Variants in ZMAT5 observed in about 807,000 individuals in gnomAD.
ZMAT5 encodes zinc finger matrin-type 5.
A neutral mutation model predicts 28.0 loss-of-function variants in ZMAT5; 23 were observed. The observed-to-expected ratio is 0.82, with a 90% CI of 0.59 to 1.16. The LOEUF is 1.16. Among genes scored for constraint, ZMAT5 ranks in the 50% most tolerant of loss-of-function variants. The pLI, the probability that ZMAT5 is intolerant of heterozygous loss-of-function variation, is 0.00. For synonymous variants in ZMAT5, 76 were observed against 84.1 expected (o/e 0.90, Z 0.52); for missense variants, 173 against 212.7 (o/e 0.81, Z 1.16).
chr22:29,734,759 G>C lies in ZMAT5; in HGVS notation c.384-3405C>G, dbSNP rs187536178. Among the ~76,000 whole-genome samples, 13 of 152,368 alleles carry C rather than the reference G, an allele frequency of 8.5e-5. No individual in the cohort carries two copies. In the East Asian group the frequency reaches 2.5e-3, roughly 29 times the overall value. ...TGCCGAGTGTCCAGTGGGACCACCA[G>C]TCAGGCCAGAGGCAAGAGGTGAGAA... On this transcript the variant is annotated intron_variant, in intron 5 of 5. Transcript: ENST00000344318.
intron 1 of ZMAT5, among the ~76,000 whole-genome samples, chr22:29,760,571 C>T (rs185458044): frequency 2.4e-4 from 37 of 152,132 alleles, no homozygotes; most frequent in African/African-American, 8.4e-4. Context: ...GGGTCAGGTC[C>T]CCAGAAATCC....
intron 4 of ZMAT5, 29 bp downstream of exon 4, chr22:29,740,621 C>T (rs1228251420): frequency 1.0e-5 from 16 of 1,572,340 alleles, no homozygotes; most frequent in East Asian, 2.3e-5. Context: ...ACCCCACTCC[C>T]GCTTAGCCCA....
intron 2 of ZMAT5, among the ~76,000 whole-genome samples, chr22:29,744,577 C>T (rs952903211): frequency 1.3e-5 from 2 of 152,104 alleles, no homozygotes; most frequent in Non-Finnish European, 2.9e-5. Flanking sequence ...GTGGACATTG[C>T]CCTGGACCCC....
intron 1 of ZMAT5, among the ~76,000 whole-genome samples, chr22:29,755,248 T>C (rs2068088253): frequency 6.6e-6 from 1 of 150,550 alleles, no homozygotes; most frequent in Admixed American, 6.6e-5. Context: ...TGAGCAGAGA[T>C]TGTGCCACTA....
intron 1 of ZMAT5, among the ~76,000 whole-genome samples, chr22:29,766,104 A>C (rs1239649872): frequency 6.6e-6 from 1 of 152,178 alleles, no homozygotes. Context: ...GCTTGAGCCC[A>C]GGAGTTGGAG....
intron 1 of ZMAT5, among the ~76,000 whole-genome samples, chr22:29,765,158 C>T (rs1302167162): frequency 6.6e-6 from 1 of 152,146 alleles, no homozygotes. Context: ...GTGGCTCACA[C>T]CTGTAATCCC....
chr22:29,759,472 T>A (rs1024590574), intron 1 of ZMAT5, among the ~76,000 whole-genome samples: 1 of 152,254 alleles, frequency 6.6e-6, no homozygotes, highest in East Asian at 1.9e-4. Flanking sequence ...GAGAAACTTA[T>A]TAAAAATGAA....
chr22:29,739,230 A>G (rs2067938413), intron 4 of ZMAT5, among the ~76,000 whole-genome samples: 1 of 152,156 alleles, frequency 6.6e-6, no homozygotes, highest in Admixed American at 6.5e-5. Context: ...CAATCAACGA[A>G]TGGAATTTAT....
chr22:29,738,220 GC>G, intron 5 of ZMAT5, 109 bp downstream of exon 5: 2 of 1,066,636 alleles, frequency 1.9e-6, no homozygotes, highest in Non-Finnish European at 1.4e-6. Context: ...ACTTTATTCG[GC>G]CCCTGGGCCT....
At chr22:29,763,984 T>C (rs189772019) in intron 1 of ZMAT5, among the ~76,000 whole-genome samples, 3 of 151,668 alleles carry the variant, frequency 2.0e-5, no homozygotes, top group Admixed American at 6.6e-5. Flanking sequence ...TAACCCAGCA[T>C]GGTGGTGCAC....
chr22:29,745,482 C>A (rs1164716048), intron 2 of ZMAT5, among the ~76,000 whole-genome samples: 1 of 152,196 alleles, frequency 6.6e-6, no homozygotes, highest in Non-Finnish European at 1.5e-5. Context: ...ATCTTTAGAG[C>A]CTGCCTGGGA....
rs1386186544 is a variant in ZMAT5, at chr22:29,743,358, C to A, written c.128-878G>T. On this transcript the variant is annotated intron_variant, in intron 2 of 5. Transcript: ENST00000344318. The stretch of plus-strand genomic sequence containing the variant: ...CCAGCCACCGCCGCGGACAGGACTT[C>A]CGACAATCACTCTGTAGCATCGGCA... Among the ~76,000 whole-genome samples, 3 of 152,286 alleles carry A rather than the reference C, an allele frequency of 2.0e-5. No homozygotes were observed. In the East Asian group the frequency reaches 5.8e-4, roughly 29 times the overall value.
chr22:29,746,535 C>G (rs1167444535), intron 2 of ZMAT5: 1 of 152,438 alleles, frequency 6.6e-6, no homozygotes. Context: ...ATCCTCCCAC[C>G]TCAGCCTCCC....
intron 1 of ZMAT5, chr22:29,758,733 A>C (rs1476025883): frequency 5.2e-5 from 8 of 152,516 alleles, no homozygotes; most frequent in East Asian, 1.9e-4. Context: ...CACACACACA[A>C]AAAGTCCCTT....
At chr22:29,760,034 C>A (rs2147237612) in intron 1 of ZMAT5, among the ~76,000 whole-genome samples, 1 of 152,222 alleles carries the variant, frequency 6.6e-6, no homozygotes, top group East Asian at 1.9e-4. Context: ...AACCCCATCT[C>A]TACTAAAATA....
intron 5 of ZMAT5, among the ~76,000 whole-genome samples, chr22:29,737,401 T>C (rs2147217255): frequency 6.6e-6 from 1 of 152,332 alleles, no homozygotes; most frequent in African/African-American, 2.4e-5. Flanking sequence ...GGCAAGAAGT[T>C]TGGCCTTCAC....
intron 2 of ZMAT5, 54 bp downstream of exon 2, chr22:29,748,364 G>T (rs908926981): frequency 5.0e-6 from 8 of 1,612,612 alleles, no homozygotes; most frequent in Non-Finnish European, 6.8e-6. Context: ...TTGATGATAA[G>T]AAAGATCAGA....
intron 1 of ZMAT5, among the ~76,000 whole-genome samples, chr22:29,757,954 T>A (rs2068119353): frequency 6.6e-6 from 1 of 150,790 alleles, no homozygotes; most frequent in East Asian, 2.0e-4. Context: ...GAGACGGAGG[T>A]TGCAGTGAGC....
At chr22:29,761,269 C>CAAAA (rs131283) in intron 1 of ZMAT5, among the ~76,000 whole-genome samples, 34 of 59,514 alleles carry the variant, frequency 5.7e-4, no homozygotes, top group Admixed American at 2.6e-3. Context: ...AACTCCGTCT[C>CAAAA]AAAAAAAAAA....
Sources: gnomAD v4.1 joint callset for allele counts (sites outside exome capture counted in the v4.1 genomes callset) on GRCh38, gnomAD v4.1.1 for gene constraint, MANE v1.5 for transcripts, NCBI Gene and HGNC (gene_info 2026-07-23, HGNC 2026-07-21) for gene names.